The following EXOC6B variants were observed in gnomAD, a reference collection of about 807,000 sequenced individuals.
The protein encoded by EXOC6B is SEC15 homolog B.
A neutral mutation model predicts 113.5 loss-of-function variants in EXOC6B; 54 were observed. That is an observed-to-expected ratio of 0.48 (90% confidence interval 0.38 to 0.60). The LOEUF (loss-of-function observed/expected upper bound fraction) is 0.60, where lower values mean the gene tolerates loss of function less well. Among genes scored for constraint, EXOC6B ranks in the 20% least tolerant of loss-of-function variants. The probability of loss-of-function intolerance (pLI) is 0.00; values close to 1 mark genes in which losing one functional copy is unlikely to be tolerated. For synonymous variants in EXOC6B, 357 were observed against 339.0 expected, an observed-to-expected ratio of 1.05 and a Z score of -0.58; for missense variants, 797 against 977.5, an observed-to-expected ratio of 0.82 and a Z score of 2.46.
At chr2:72,206,907 T>A (rs1572997683) in intron 20 of EXOC6B, among the ~76,000 whole-genome samples, 1 of 152,154 alleles carries the variant, frequency 6.6e-6, no homozygotes, top group African/African-American at 2.4e-5. Context: ...GCAAAAAAAA[T>A]TCAGAAAAAA....
Position 72,177,435 on chromosome 2 carries a change from A to G in EXOC6B, c.*1900T>C, listed in dbSNP as rs994083051. The G allele has an allele frequency of 2.0e-5, 3 of 152,234 alleles. No individual in the cohort carries two copies. Among genetic ancestry groups the G allele is most frequent in the Non-Finnish European group, 4.4e-5 (3 of 68,042 alleles). 9.4% of individuals were successfully genotyped at this position (152,234 alleles called of 1,614,324 possible). A position where few individuals can be genotyped will look rare whatever the true frequency, so the allele number is the denominator to read the frequency against. On this transcript the variant is annotated 3_prime_UTR_variant, in exon 22 of 22. Transcript: ENST00000272427. The stretch of plus-strand genomic sequence containing the variant: ...TCAAGCAATAGAACTTCAGATTAAT[A>G]TAATCGTTTCTCACTTGTTTCAACA...
At chr2:72,187,070 CT>C (rs1289691362) in intron 20 of EXOC6B, among the ~76,000 whole-genome samples, 1 of 152,178 alleles carries the variant, frequency 6.6e-6, no homozygotes, top group African/African-American at 2.4e-5. Context: ...ATGCTGGGTG[CT>C]GCCATGGGGT....
At chr2:72,367,327 T>G (rs1690687532) in intron 19 of EXOC6B, among the ~76,000 whole-genome samples, 1 of 40,676 alleles carries the variant, frequency 2.5e-5, no homozygotes, top group Non-Finnish European at 4.5e-5. Context: ...AAAAAAACAC[T>G]GATTAATCTA....
intron 18 of EXOC6B, among the ~76,000 whole-genome samples, chr2:72,441,927 A>T (rs1461174711): frequency 6.6e-6 from 1 of 152,250 alleles, no homozygotes; most frequent in East Asian, 1.9e-4. Context: ...CCTGATAGCA[A>T]AACCTGGCAG....
chr2:72,448,761 C>A (rs947622224), intron 18 of EXOC6B, among the ~76,000 whole-genome samples: 1 of 152,058 alleles, frequency 6.6e-6, no homozygotes, highest in African/African-American at 2.4e-5. Flanking sequence ...AAACTAAGTT[C>A]TCTATAAATA....
intron 11 of EXOC6B, among the ~76,000 whole-genome samples, chr2:72,505,987 A>G (rs993702839): frequency 4.6e-5 from 7 of 152,244 alleles, no homozygotes; most frequent in African/African-American, 1.7e-4. Flanking sequence ...TAGAAACTCA[A>G]CCAAATATAT....
intron 6 of EXOC6B, among the ~76,000 whole-genome samples, chr2:72,625,884 A>G (rs1672020955): frequency 6.6e-6 from 1 of 152,200 alleles, no homozygotes; most frequent in South Asian, 2.1e-4. Flanking sequence ...AACTGAATTT[A>G]CTGTGGTTTT....
chr2:72,219,984 TC>T (rs1212439952), intron 20 of EXOC6B, among the ~76,000 whole-genome samples: 1 of 152,166 alleles, frequency 6.6e-6, no homozygotes, highest in Non-Finnish European at 1.5e-5. Flanking sequence ...CTCCGGTAAG[TC>T]ACTTAACCTT....
At chr2:72,293,801 T>C (rs1685956388) in intron 20 of EXOC6B, among the ~76,000 whole-genome samples, 2 of 152,118 alleles carry the variant, frequency 1.3e-5, no homozygotes, top group Non-Finnish European at 2.9e-5. Context: ...CAAACCCAAG[T>C]AGACAAGACC....
chr2:72,761,062 C>T (rs1682713639), intron 1 of EXOC6B, among the ~76,000 whole-genome samples: 1 of 152,074 alleles, frequency 6.6e-6, no homozygotes, highest in Non-Finnish European at 1.5e-5. Context: ...CACCTATTAT[C>T]CCAGCTACTC....
intron 19 of EXOC6B, among the ~76,000 whole-genome samples, chr2:72,363,444 C>T (rs1201513112): frequency 6.6e-6 from 1 of 152,052 alleles, no homozygotes; most frequent in African/African-American, 2.4e-5. Context: ...ATAGAAGTTT[C>T]ACAGACAACT....
At chr2:72,609,086 T>C (rs1191283431) in intron 6 of EXOC6B, among the ~76,000 whole-genome samples, 1 of 152,084 alleles carries the variant, frequency 6.6e-6, no homozygotes, top group African/African-American at 2.4e-5. Flanking sequence ...AGGTTTATAA[T>C]TGAGTAAGCA....
At chr2:72,595,670 G>A (rs942891968) in intron 6 of EXOC6B, among the ~76,000 whole-genome samples, 6 of 151,830 alleles carry the variant, frequency 4.0e-5, no homozygotes, top group Non-Finnish European at 8.8e-5. Flanking sequence ...GGGTCATAAA[G>A]GAGAGAAGTG....
At chr2:72,352,977 G>A (rs536880377) in intron 19 of EXOC6B, among the ~76,000 whole-genome samples, 1 of 152,264 alleles carries the variant, frequency 6.6e-6, no homozygotes, top group African/African-American at 2.4e-5. Context: ...TATATTAAAT[G>A]TACCAGTGTA....
chr2:72,437,059 T>C (rs1695921581), intron 18 of EXOC6B, among the ~76,000 whole-genome samples: 1 of 152,238 alleles, frequency 6.6e-6, no homozygotes, highest in African/African-American at 2.4e-5. Context: ...TTATCTTTGA[T>C]GCTGATGACC....
At chr2:72,293,867 G>C (rs1685960907) in intron 20 of EXOC6B, among the ~76,000 whole-genome samples, 1 of 152,054 alleles carries the variant, frequency 6.6e-6, no homozygotes, top group African/African-American at 2.4e-5. Context: ...TTCCTTTTAT[G>C]ATGAGTAATC....
intron 20 of EXOC6B, among the ~76,000 whole-genome samples, chr2:72,293,091 AT>A (rs1030914680): frequency 6.6e-6 from 1 of 152,134 alleles, no homozygotes; most frequent in African/African-American, 2.4e-5. Flanking sequence ...AACATATTTA[AT>A]TTTATAAGAA....
intron 20 of EXOC6B, among the ~76,000 whole-genome samples, chr2:72,187,795 G>A (rs1053785096): frequency 3.3e-5 from 5 of 152,160 alleles, no homozygotes; most frequent in African/African-American, 1.2e-4. Flanking sequence ...CAGGCCTTCT[G>A]TGGCCTGAAG....
intron 20 of EXOC6B, among the ~76,000 whole-genome samples, chr2:72,197,944 T>C (rs1028825419): frequency 1.3e-5 from 2 of 152,100 alleles, no homozygotes; most frequent in African/African-American, 2.4e-5. Flanking sequence ...TCTGAAACTT[T>C]TGTATAGGGT....
Sources: gnomAD v4.1 joint callset for allele counts (sites outside exome capture counted in the v4.1 genomes callset) on GRCh38, gnomAD v4.1.1 for gene constraint, MANE v1.5 for transcripts, NCBI Gene and HGNC (gene_info 2026-07-23, HGNC 2026-07-21) for gene names.